Variants in ATP2B2 observed in about 807,000 individuals in gnomAD.
The protein encoded by ATP2B2 is ATPase plasma membrane Ca2+ transporting 2.
A neutral mutation model predicts 120.0 loss-of-function variants in ATP2B2; 15 were observed. The observed-to-expected ratio is 0.12, with a 90% CI of 0.08 to 0.19. The LOEUF (loss-of-function observed/expected upper bound fraction) is 0.19, where lower values mean the gene tolerates loss of function less well. ATP2B2 is among the 10% of genes least tolerant of loss of function. The pLI, the probability that ATP2B2 is intolerant of heterozygous loss-of-function variation, is 1.00. For synonymous variants in ATP2B2, 694 were observed against 700.3 expected (o/e 0.99, Z 0.14); for missense variants, 1,045 against 1,719.8 (o/e 0.61, Z 6.94).
intron 2 of ATP2B2, among the ~76,000 whole-genome samples, chr3:10,613,017 C>T (rs552150839): frequency 6.6e-6 from 1 of 152,184 alleles, no homozygotes; most frequent in African/African-American, 2.4e-5. Context: ...AGAGTTGGGG[C>T]TTTGAGCCAG....
At chr3:10,697,432 G>A (rs1195203079) in intron 1 of ATP2B2, among the ~76,000 whole-genome samples, 1 of 152,218 alleles carries the variant, frequency 6.6e-6, no homozygotes, top group East Asian at 1.9e-4. Context: ...ACTCCATAGA[G>A]ACACAGGAAA....
At chr3:10,407,653 G>C (rs1317685780) in intron 3 of ATP2B2, among the ~76,000 whole-genome samples, 1 of 152,180 alleles carries the variant, frequency 6.6e-6, no homozygotes, top group Non-Finnish European at 1.5e-5. Flanking sequence ...ACAGGTGCTG[G>C]GGCTTTGGAA....
intron 1 of ATP2B2, among the ~76,000 whole-genome samples, chr3:10,675,403 G>A (rs565139668): frequency 2.0e-5 from 3 of 152,160 alleles, no homozygotes; most frequent in Non-Finnish European, 4.4e-5. Context: ...CTTCAACCAC[G>A]TAGCTATGTA....
At chr3:10,706,987 G>A (rs1224354945) in intron 1 of ATP2B2, among the ~76,000 whole-genome samples, 3 of 152,234 alleles carry the variant, frequency 2.0e-5, no homozygotes, top group African/African-American at 4.8e-5. Context: ...CAAGGCTAAT[G>A]TTCTAGGAAG....
intron 2 of ATP2B2, among the ~76,000 whole-genome samples, chr3:10,598,825 T>C (rs958742649): frequency 6.6e-6 from 1 of 152,248 alleles, no homozygotes; most frequent in Non-Finnish European, 1.5e-5. Flanking sequence ...TAGAAACAAC[T>C]GAGCAGGGTT....
intron 1 of ATP2B2, among the ~76,000 whole-genome samples, chr3:10,488,933 G>C (rs575047522): frequency 4.6e-5 from 7 of 152,208 alleles, no homozygotes; most frequent in Admixed American, 2.6e-4. Context: ...GAAAAGCCAG[G>C]GTCCCTGTGA....
intron 1 of ATP2B2, among the ~76,000 whole-genome samples, chr3:10,653,664 T>C (rs2070527651): frequency 6.6e-6 from 1 of 152,236 alleles, no homozygotes; most frequent in African/African-American, 2.4e-5. Context: ...TGTAGCATAC[T>C]GAGCTCCCAT....
At chr3:10,458,113 G>A (rs2125224058) in intron 1 of ATP2B2, among the ~76,000 whole-genome samples, 1 of 150,632 alleles carries the variant, frequency 6.6e-6, no homozygotes, top group Admixed American at 6.6e-5. Context: ...CCATCTGTCT[G>A]CTTGACCATT....
chr3:10,417,073 G>GC (rs2062814883), intron 2 of ATP2B2, among the ~76,000 whole-genome samples: 3 of 141,530 alleles, frequency 2.1e-5, no homozygotes, highest in African/African-American at 9.2e-5. Flanking sequence ...CGGCGGCGGG[G>GC]GGGGGCGGGC....
chr3:10,328,912 C>T lies in ATP2B2; in HGVS notation c.3634G>A (p.Ala1212Thr), dbSNP rs2059908484. Reference protein sequence around the residue: ...PPSSLNKNNSAIDSGINLTTD... With the variant: ...PPSSLNKNNSTIDSGINLTTD... ...GTCAGGTTGATCCCACTGTCGATGG[C>T]GCTGTTGTTCTTGTTGAGGGATGAC... Residue 1212 changes from alanine to threonine, a missense_variant, in exon 23 of 23, where the codon GCC becomes ACC. Around this residue, in one of 11 missense-constraint regions of ATP2B2, gnomAD observed 211 missense variants for 385.1 expected, o/e 0.55. Transcript: ENST00000360273. 1 of 1,613,698 alleles carries T rather than the reference C, an allele frequency of 6.2e-7. No individual in the cohort carries two copies.
At chr3:10,332,066 G>C (rs766856313) in intron 22 of ATP2B2, 2 of 1,545,368 alleles carry the variant, frequency 1.3e-6, no homozygotes, top group South Asian at 2.4e-5. Flanking sequence ...GGAATATTCA[G>C]ACAGTGGAGA....
At chr3:10,448,418 T>C (rs2063914251) in intron 2 of ATP2B2, among the ~76,000 whole-genome samples, 1 of 152,158 alleles carries the variant, frequency 6.6e-6, no homozygotes, top group Non-Finnish European at 1.5e-5. Context: ...AGGGTTAACG[T>C]AGGGAATGCT....
At chr3:10,531,473 A>T (rs1189004558) in intron 3 of ATP2B2, among the ~76,000 whole-genome samples, 1 of 152,214 alleles carries the variant, frequency 6.6e-6, no homozygotes, top group Non-Finnish European at 1.5e-5. Flanking sequence ...TACAATGGGG[A>T]TAAGAATGGT....
intron 1 of ATP2B2, among the ~76,000 whole-genome samples, chr3:10,681,699 A>G (rs565127602): frequency 6.6e-6 from 1 of 152,342 alleles, no homozygotes; most frequent in African/African-American, 2.4e-5. Context: ...ACACCACACT[A>G]TAAGATGCAG....
intron 2 of ATP2B2, among the ~76,000 whole-genome samples, chr3:10,619,625 G>A (rs542109405): frequency 1.3e-5 from 2 of 152,266 alleles, no homozygotes; most frequent in East Asian, 1.9e-4. Flanking sequence ...CAGGGGAGGC[G>A]GTCACCGGCT....
Position 10,449,359 on chromosome 3 carries a change from G to C in ATP2B2, c.185C>G (p.Thr62Ser). The change falls in exon 2 of 23, where the codon ACC becomes AGC. Residue 62 changes from threonine (T) to serine (S), a missense_variant. Thr to Ser is a moderately conservative substitution (Grantham distance 58). Coordinates refer to ENST00000360273, the MANE Select transcript of ATP2B2 (RefSeq NM_001001331.4). ...DTEAICRRLK[T>S]SPVEGLPGTA... ...TGAACACTTACCTTCAACAGGTGAG[G>C]TTTTGAGGCGCCGGCAGATGGCTTC... 1.2e-6 allele frequency: 2 copies of C among 1,614,232 alleles called. No homozygotes were observed. The highest frequency in any genetic ancestry group is 1.7e-6 in the Non-Finnish European group (2 of 1,180,046).
intron 1 of ATP2B2, among the ~76,000 whole-genome samples, chr3:10,459,554 T>G (rs2064399296): frequency 6.6e-6 from 1 of 152,238 alleles, no homozygotes; most frequent in Non-Finnish European, 1.5e-5. Context: ...GAGGTCTTCT[T>G]TGCAGCACTG....
chr3:10,689,205 G>A (rs542681536), intron 1 of ATP2B2, among the ~76,000 whole-genome samples: 1 of 152,236 alleles, frequency 6.6e-6, no homozygotes, highest in South Asian at 2.1e-4. Flanking sequence ...CTCTACCACC[G>A]TTAGCCATTC....
At chr3:10,386,330 G>A (rs1559265682) in intron 7 of ATP2B2, 150 bp downstream of exon 7, 5 of 814,654 alleles carry the variant, frequency 6.1e-6, no homozygotes, top group African/African-American at 5.1e-5. Flanking sequence ...GGCATCACAG[G>A]AGGGCACAAA....
Sources: gnomAD v4.1 joint callset for allele counts (sites outside exome capture counted in the v4.1 genomes callset) on GRCh38, gnomAD v4.1.1 for gene constraint, gnomAD v4.1.1 regional missense constraint, MANE v1.5 for transcripts, NCBI Gene and HGNC (gene_info 2026-07-23, HGNC 2026-07-21) for gene names.